ITCH: variants seen among roughly 807,000 people sequenced by gnomAD.
ITCH encodes the protein itchy E3 ubiquitin protein ligase.
In ITCH, 28 loss-of-function variants were observed where a neutral mutation model predicts 126.8. The ratio of observed to expected loss-of-function variants is 0.22; its 90% CI spans 0.16 to 0.30. ITCH has a LOEUF of 0.30. Ranked by LOEUF, ITCH falls within the 10% of genes least tolerant of loss-of-function variation. The probability of loss-of-function intolerance (pLI) is 1.00; values close to 1 mark genes in which losing one functional copy is unlikely to be tolerated. For missense variants in ITCH, 631 were observed against 1,032.4 expected (o/e 0.61, Z 5.33); for synonymous variants, 342 against 340.0 (o/e 1.01, Z -0.06).
intron 24 of ITCH, among the ~76,000 whole-genome samples, chr20:34,507,264 T>G (rs1008774910): frequency 1.1e-4 from 4 of 37,606 alleles, no homozygotes; most frequent in South Asian, 8.9e-4. Context: ...TTTTCTTCTG[T>G]TTTTTTTTTT....
chr20:34,471,120 TGTAATTAACTGGACC>T (rs1987582307), intron 15 of ITCH, among the ~76,000 whole-genome samples: 1 of 152,212 alleles, frequency 6.6e-6, no homozygotes, highest in South Asian at 2.1e-4. Context: ...TTGAAACTCT[TGTAATTAACTGGACC>T]CATGGAAGCA....
At chr20:34,420,301 T>C (rs767887583) in intron 6 of ITCH, among the ~76,000 whole-genome samples, 7 of 152,226 alleles carry the variant, frequency 4.6e-5, no homozygotes, top group Admixed American at 6.5e-5. Flanking sequence ...TGGATTTGCC[T>C]ATTCAGGATA....
At chr20:34,498,409 A>G (rs965206403) in intron 23 of ITCH, among the ~76,000 whole-genome samples, 14 of 152,262 alleles carry the variant, frequency 9.2e-5, no homozygotes, top group Admixed American at 1.3e-4. Context: ...GTCTTGTTCC[A>G]TATCTTGGAG....
chr20:34,389,397 T>A (rs891851457), intron 2 of ITCH, among the ~76,000 whole-genome samples: 2 of 152,106 alleles, frequency 1.3e-5, no homozygotes, highest in African/African-American at 4.8e-5. Context: ...AAGAGCCAAC[T>A]GTAATTAGAA....
At chr20:34,396,357 A>G (rs2038676492) in intron 3 of ITCH, among the ~76,000 whole-genome samples, 1 of 151,788 alleles carries the variant, frequency 6.6e-6, no homozygotes, top group Non-Finnish European at 1.5e-5. Context: ...AAGCAGCTGC[A>G]CCGTTTTGCA....
chr20:34,432,734 T>C (rs1386809641), intron 7 of ITCH, among the ~76,000 whole-genome samples: 1 of 151,586 alleles, frequency 6.6e-6, no homozygotes, highest in African/African-American at 2.4e-5. Flanking sequence ...GGCAGGTGGA[T>C]TGCTTGAATC....
chr20:34,486,338 T>TC (rs1284224904), intron 20 of ITCH, among the ~76,000 whole-genome samples: 22 of 150,940 alleles, frequency 1.5e-4, no homozygotes, highest in Middle Eastern at 3.2e-3. Flanking sequence ...TTTTTTTTTT[T>TC]CCCCCGAGAC....
chr20:34,396,649 C>T (rs1487580561), intron 3 of ITCH, among the ~76,000 whole-genome samples: 3 of 152,018 alleles, frequency 2.0e-5, no homozygotes, highest in Admixed American at 2.0e-4. Flanking sequence ...GCTGGGACTA[C>T]AGGCATGCAC....
In ITCH at chr20:34,438,560, C is replaced by G. The variant is rs1983333133; in HGVS notation, c.608C>G (p.Ser203Ter). ...AGTGGGAATAATTCTCCATCACTCTCAAATGGTGGTTTTAAACCTTCTAGA... is the reference window on the plus strand; with the variant it reads ...AGTGGGAATAATTCTCCATCACTCTGAAATGGTGGTTTTAAACCTTCTAGA... ...RVSGNNSPSL[S>*]NGGFKPSRPP... The change falls in exon 8 of 25, where the codon TCA (serine) becomes TGA (stop). Residue 203 changes from serine (S) to a stop codon, truncating the protein, a stop_gained. Coordinates refer to ENST00000374864, the MANE Select transcript of ITCH (RefSeq NM_031483.7). LOFTEE classifies it high-confidence loss of function. The G allele has an allele frequency of 6.2e-7, 1 of 1,613,922 alleles. No individual in the cohort carries two copies. Among genetic ancestry groups the G allele is most frequent in the Admixed American group, 1.7e-5 (1 of 59,972 alleles).
chr20:34,371,428 C>T (rs757780724), intron 2 of ITCH, among the ~76,000 whole-genome samples: 2 of 151,192 alleles, frequency 1.3e-5, no homozygotes, highest in Admixed American at 6.6e-5. Flanking sequence ...GGAGGCCAGG[C>T]GTGCACCCAC....
chr20:34,481,118 G>A lies in ITCH; in HGVS notation c.2005G>A (p.Glu669Lys). ...GGAAATGTACTTCTCCGTTGACAAAGAAATTCTAGGTGAAATTAAGAGTCA... is the reference window on the plus strand; with the variant it reads ...GGAAATGTACTTCTCCGTTGACAAAAAAATTCTAGGTGAAATTAAGAGTCA... ...DLEMYFSVDK[E>K]ILGEIKSHDL... The change falls in exon 20 of 25, where the codon GAA becomes AAA. Residue 669 changes from glutamate (E) to lysine (K), a missense_variant. Around this residue, in one of 4 missense-constraint regions of ITCH, gnomAD observed 390 missense variants for 731.6 expected, o/e 0.53. Transcript: ENST00000374864. 1 of 1,613,416 alleles carries A rather than the reference G, an allele frequency of 6.2e-7. No individual in the cohort carries two copies. The highest frequency in any genetic ancestry group is 8.5e-7 in the Non-Finnish European group (1 of 1,179,542).
chr20:34,428,645 T>C (rs945311251), intron 7 of ITCH, among the ~76,000 whole-genome samples: 1 of 152,044 alleles, frequency 6.6e-6, no homozygotes, highest in Non-Finnish European at 1.5e-5. Flanking sequence ...CTCAAACTTT[T>C]CACCTGAAGC....
chr20:34,457,138 T>TAGAAAGG (rs1986081917), intron 12 of ITCH, among the ~76,000 whole-genome samples: 1 of 152,142 alleles, frequency 6.6e-6, no homozygotes, highest in African/African-American at 2.4e-5. Context: ...TTGGATTGAG[T>TAGAAAGG]AGAAAGGTCC....
chr20:34,433,001 C>T (rs1315867881), intron 7 of ITCH, among the ~76,000 whole-genome samples: 1 of 150,452 alleles, frequency 6.6e-6, no homozygotes, highest in Non-Finnish European at 1.5e-5. Context: ...TAAAAAGAAA[C>T]AATTTAGGCC....
At chr20:34,419,740 C>T (rs770882277) in intron 6 of ITCH, among the ~76,000 whole-genome samples, 20 of 152,154 alleles carry the variant, frequency 1.3e-4, no homozygotes, top group African/African-American at 3.9e-4. Context: ...CTGCAAGCTC[C>T]GCCTTGCCGG....
At chr20:34,426,225 A>C (rs1000724602) in intron 7 of ITCH, among the ~76,000 whole-genome samples, 2 of 152,236 alleles carry the variant, frequency 1.3e-5, no homozygotes, top group African/African-American at 4.8e-5. Context: ...CCACAGGAGG[A>C]GTAGTCAGAA....
At chr20:34,416,150 G>A (rs6120641) in intron 6 of ITCH, among the ~76,000 whole-genome samples, 85 of 152,264 alleles carry the variant, frequency 5.6e-4, no homozygotes, top group African/African-American at 1.8e-3. Flanking sequence ...TGTAATCCCA[G>A]CACTCTGGGA....
In ITCH at chr20:34,376,018, A is replaced by G. The variant is rs146626129; in HGVS notation, c.-22+6548A>G. Among the ~76,000 whole-genome samples, 10 of 152,200 alleles carry G rather than the reference A, an allele frequency of 6.6e-5. No individual in the cohort carries two copies. In the East Asian group the frequency reaches 1.9e-3, roughly 29 times the overall value. On this transcript the variant is annotated intron_variant, in intron 2 of 24. Transcript: ENST00000374864. Reference sequence around the variant, plus strand: ...ATTTTTTTCTAAGGAGAAGCTAGAAATCAAGATTTTGTAAGAAATTTTTAT... The same window carrying G: ...ATTTTTTTCTAAGGAGAAGCTAGAAGTCAAGATTTTGTAAGAAATTTTTAT...
chr20:34,403,010 T>C (rs1352339732), intron 3 of ITCH, among the ~76,000 whole-genome samples: 10 of 152,284 alleles, frequency 6.6e-5, no homozygotes, highest in South Asian at 2.1e-4. Context: ...CTTATACTTA[T>C]GTTTTTTTTT....
Sources: gnomAD v4.1 joint callset for allele counts (sites outside exome capture counted in the v4.1 genomes callset) on GRCh38, gnomAD v4.1.1 for gene constraint, gnomAD v4.1.1 regional missense constraint, MANE v1.5 for transcripts, NCBI Gene and HGNC (gene_info 2026-07-23, HGNC 2026-07-21) for gene names.